The following DNAH14 variants were observed in gnomAD, a reference collection of about 807,000 sequenced individuals.
The protein encoded by DNAH14 is dynein axonemal heavy chain 14, also known as axonemal beta dynein heavy chain 14.
Under a neutral mutation model 520.9 loss-of-function variants are expected in DNAH14, and 478 were observed. The ratio of observed to expected loss-of-function variants is 0.92; its 90% CI spans 0.85 to 0.99. The LOEUF is 0.99. Ranked by LOEUF, DNAH14 falls within the 50% of genes least tolerant of loss-of-function variation. The pLI is 0.00. For synonymous variants in DNAH14, 1,581 were observed against 1,757.2 expected (o/e 0.90, Z 2.51); for missense variants, 4,831 against 5,234.5 (o/e 0.92, Z 2.38).
intron 65 of DNAH14, among the ~76,000 whole-genome samples, chr1:225,331,969 C>CT (rs11430430): frequency 0.64 from 96,214 of 150,262 alleles, 31,537 homozygotes; most frequent in African/African-American, 0.79. Flanking sequence ...AAAATTCTCC[C>CT]TTTTTTTTTA....
At chr1:224,953,245 C>G (rs908006967) in intron 2 of DNAH14, among the ~76,000 whole-genome samples, 3 of 151,946 alleles carry the variant, frequency 2.0e-5, no homozygotes, top group Non-Finnish European at 2.9e-5. Flanking sequence ...ACCTCAGCCC[C>G]CCGAGTAGCT....
In DNAH14 at chr1:225,192,515, T is replaced by C. The variant is rs2085578857; in HGVS notation, c.5671-181T>C. On this transcript the variant is annotated intron_variant, in intron 37 of 85. Transcript: ENST00000682510. ...TACAATTTTTTAAAAGAATGATTTG[T>C]ATATTATGGATAATTTTAAGAAGTC... is the stretch of plus-strand genomic sequence containing the variant. Among the ~76,000 whole-genome samples, 4 of 152,146 alleles carry C rather than the reference T, an allele frequency of 2.6e-5. No individual in the cohort carries two copies. The South Asian group carries it at 8.3e-4, about 32-fold the overall frequency.
chr1:224,976,509 C>A (rs924624752), intron 8 of DNAH14, among the ~76,000 whole-genome samples: 1 of 152,100 alleles, frequency 6.6e-6, no homozygotes, highest in African/African-American at 2.4e-5. Context: ...AACTAAAGAG[C>A]TTCTGCACAG....
chr1:225,011,928 T>C (rs2064805149), intron 10 of DNAH14, among the ~76,000 whole-genome samples: 1 of 152,102 alleles, frequency 6.6e-6, no homozygotes, highest in Non-Finnish European at 1.5e-5. Flanking sequence ...TGTCTTTTAA[T>C]TGGGGCATTT....
chr1:224,986,334 A>AAAAAG (rs2062637880), intron 8 of DNAH14, among the ~76,000 whole-genome samples: 4 of 146,510 alleles, frequency 2.7e-5, no homozygotes, highest in Admixed American at 6.7e-5. Flanking sequence ...AAAAAAAAAA[A>AAAAAG]AAAAGAAAAC....
Position 224,929,739 on chromosome 1 carries a change from C to T in DNAH14, c.-130C>T. 1 of 702,392 alleles carries T rather than the reference C, an allele frequency of 1.4e-6. No individual in the cohort carries two copies. 43.5% of individuals were successfully genotyped at this position (702,392 alleles called of 1,614,324 possible). A position where few individuals can be genotyped will look rare whatever the true frequency, so the allele number is the denominator to read the frequency against. ...GGTAGGGCTGTGCTGCGCGGTCCTTCCCATTCACCCTAGTCTGGCGCTCGC... is the reference window on the plus strand; with the variant it reads ...GGTAGGGCTGTGCTGCGCGGTCCTTTCCATTCACCCTAGTCTGGCGCTCGC... On this transcript the variant is annotated 5_prime_UTR_variant, in exon 1 of 86. Coordinates refer to ENST00000682510, the MANE Select transcript of DNAH14 (RefSeq NM_001367479.1).
At chr1:225,334,066 A>G (rs1266909194) in intron 66 of DNAH14, among the ~76,000 whole-genome samples, 1 of 152,236 alleles carries the variant, frequency 6.6e-6, no homozygotes, top group African/African-American at 2.4e-5. Flanking sequence ...TCACATTTTC[A>G]TAATGCTACT....
rs554155934 is a variant in DNAH14, at chr1:225,098,789, T to C, written c.3695+1550T>C. ...TACTACCTTTTACTAAAGATTAGAA[T>C]TCTAGGCAAGAGAGTTCAAAGTGTC... On this transcript the variant is annotated intron_variant, in intron 22 of 85. Transcript: ENST00000682510. 5.9e-5 allele frequency among the ~76,000 whole-genome samples: 9 copies of C among 152,322 alleles called. No individual in the cohort carries two copies. The South Asian group carries it at 1.9e-3, about 32-fold the overall frequency.
chr1:225,000,678 A>G (rs992519497), intron 8 of DNAH14, among the ~76,000 whole-genome samples: 1 of 151,510 alleles, frequency 6.6e-6, no homozygotes, highest in Non-Finnish European at 1.5e-5. Context: ...CTGAGTTCAA[A>G]CGATTCACTT....
intron 27 of DNAH14, among the ~76,000 whole-genome samples, chr1:225,132,303 C>T (rs1393008223): frequency 6.6e-6 from 1 of 151,966 alleles, no homozygotes; most frequent in South Asian, 2.1e-4. Flanking sequence ...CAGATCATCC[C>T]GTCACCTAGG....
intron 42 of DNAH14, among the ~76,000 whole-genome samples, chr1:225,240,240 A>G (rs889462272): frequency 1.5e-4 from 22 of 150,650 alleles, no homozygotes; most frequent in Non-Finnish European, 1.5e-4. Flanking sequence ...TAAAATATAT[A>G]CATATATTAA....
intron 68 of DNAH14, 34 bp downstream of exon 68, chr1:225,338,216 T>G: frequency 6.4e-7 from 1 of 1,550,944 alleles, no homozygotes; most frequent in Non-Finnish European, 8.7e-7. Context: ...GTCAAATGTC[T>G]ATGCTTTTTA....
At chr1:224,997,439 TTTG>T (rs1249604579) in intron 8 of DNAH14, among the ~76,000 whole-genome samples, 115 of 138,152 alleles carry the variant, frequency 8.3e-4, no homozygotes, top group African/African-American at 2.5e-3. Context: ...TTTTTTTTTG[TTTG>T]TTTGTTTGTT....
chr1:225,361,469 CAATGATGTTTCA>C (rs1311163456), intron 75 of DNAH14, among the ~76,000 whole-genome samples: 3 of 152,240 alleles, frequency 2.0e-5, no homozygotes, highest in Non-Finnish European at 4.4e-5. Flanking sequence ...TGTGTTGAAT[CAATGATGTTTCA>C]ACCAATTACA....
intron 1 of DNAH14, among the ~76,000 whole-genome samples, chr1:224,932,833 C>T (rs1235054996): frequency 6.6e-6 from 1 of 152,082 alleles, no homozygotes; most frequent in Non-Finnish European, 1.5e-5. Context: ...GTTATTATAG[C>T]TTTGTAGTAT....
intron 12 of DNAH14, among the ~76,000 whole-genome samples, chr1:225,039,394 A>AT (rs1017715298): frequency 3.0e-5 from 4 of 134,274 alleles, no homozygotes; most frequent in Non-Finnish European, 6.9e-5. Flanking sequence ...AGATAAACTT[A>AT]TTTTTTTTTA....
At position 225,082,552 on chromosome 1, in the gene DNAH14, T is replaced by C. The variant is rs1464559519; in HGVS notation, c.3140T>C (p.Leu1047Ser). The C allele has an allele frequency of 6.5e-7, 1 of 1,542,720 alleles. No individual in the cohort carries two copies. The highest frequency in any genetic ancestry group is 1.4e-5 in the African/African-American group (1 of 72,848). The change falls in exon 20 of 86, where the codon TTA becomes TCA. Residue 1047 changes from leucine to serine, a missense_variant. Physicochemically the swap from Leu to Ser is moderately radical, Grantham distance 145. Transcript: ENST00000682510. The stretch of plus-strand genomic sequence containing the variant: ...ACTGACCCATTGTTATTTATAGGTT[T>C]ACCTAAAAGCGATATGGTAACACAT... ...MHIISVLEKG[L>S]PKSDMVTHLK...
chr1:224,997,434 T>TTTTG (rs200064622), intron 8 of DNAH14, among the ~76,000 whole-genome samples: 9,368 of 150,448 alleles, frequency 0.062, 339 homozygotes, highest in South Asian at 0.13. Flanking sequence ...GCAGGTTTTT[T>TTTTG]TTTGTTTGTT....
chr1:225,057,122 C>T (rs2069222290), intron 17 of DNAH14, among the ~76,000 whole-genome samples: 1 of 152,212 alleles, frequency 6.6e-6, no homozygotes, highest in Non-Finnish European at 1.5e-5. Context: ...TTACCTTGGG[C>T]AGTATGCCCA....
Sources: allele counts gnomAD v4.1 joint callset (sites outside exome capture counted in the v4.1 genomes callset), GRCh38; gene constraint gnomAD v4.1.1; transcripts MANE v1.5; gene names NCBI Gene and HGNC (gene_info 2026-07-23, HGNC 2026-07-21).